Variants in DLGAP4 observed in about 807,000 individuals in gnomAD.
The protein encoded by DLGAP4 is DLG associated protein 4, also known as disks large-associated protein 4.
In DLGAP4, 18 loss-of-function variants were observed where a neutral mutation model predicts 86.9. That is an observed-to-expected ratio of 0.21 (90% CI 0.14 to 0.31). The LOEUF is 0.31. Ranked by LOEUF, DLGAP4 falls within the 10% of genes least tolerant of loss-of-function variation. The pLI, the probability that DLGAP4 is intolerant of heterozygous loss-of-function variation, is 1.00. For missense variants in DLGAP4, 1,085 were observed against 1,362.6 expected (o/e 0.80, Z 3.21); for synonymous variants, 548 against 574.3 (o/e 0.95, Z 0.65).
At chr20:36,436,811 G>A (rs1184546005) in intron 4 of DLGAP4, among the ~76,000 whole-genome samples, 1 of 146,894 alleles carries the variant, frequency 6.8e-6, no homozygotes, top group Admixed American at 6.8e-5. Context: ...GCGAGACTCC[G>A]TCTCAAAAAA....
At chr20:36,462,535 G>T (rs762794705) in intron 7 of DLGAP4, 7 of 1,599,746 alleles carry the variant, frequency 4.4e-6, no homozygotes, top group Middle Eastern at 1.7e-4. Flanking sequence ...TGTCTTTGCC[G>T]GGTCTCTGGG....
At position 36,369,977 on chromosome 20, in the gene DLGAP4, G is replaced by A. The variant is rs79349582; in HGVS notation, c.-73+2702G>A. 3.0e-3 allele frequency among the ~76,000 whole-genome samples: 458 copies of A among 152,284 alleles called. 2 individuals carry two copies. Among genetic ancestry groups the A allele is most frequent in the African/African-American group, 0.011 (446 of 41,538 alleles). On this transcript the variant is annotated intron_variant, in intron 2 of 12. Coordinates refer to ENST00000339266, the MANE Select transcript of DLGAP4 (RefSeq NM_001365621.2). Reference sequence around the variant, plus strand: ...ACTTGTCATGCTGCCAAAGAGTGGAGGAGGTGAGATGAGAAACCAGACAGA... The same window carrying A: ...ACTTGTCATGCTGCCAAAGAGTGGAAGAGGTGAGATGAGAAACCAGACAGA...
rs78631067 is a variant in DLGAP4, at chr20:36,388,409, C to T, written c.-73+21134C>T. Among the ~76,000 whole-genome samples the T allele has an allele frequency of 4.5e-4, 68 of 152,286 alleles. No homozygotes were observed. The East Asian group carries it at 0.013, about 28-fold the overall frequency. On this transcript the variant is annotated intron_variant, in intron 2 of 12. Coordinates refer to ENST00000339266, the MANE Select transcript of DLGAP4 (RefSeq NM_001365621.2). Reference sequence around the variant, plus strand: ...TCCCTGTGTCCCACTTCCTCCCCAGCTCCTGGAGCCCCCAGAACACACGTC... The same window carrying T: ...TCCCTGTGTCCCACTTCCTCCCCAGTTCCTGGAGCCCCCAGAACACACGTC...
rs1270487971 is a variant in DLGAP4, at chr20:36,440,066, AC to A, written c.1356+199del. On this transcript the variant is annotated intron_variant, in intron 5 of 12. Coordinates refer to ENST00000339266, the MANE Select transcript of DLGAP4 (RefSeq NM_001365621.2). ...TGTCCTGTGGCTGGAGAGCACAGTT[AC>A]GGGGCCTGACCCAGGACCCCACACC... is the stretch of plus-strand genomic sequence containing the variant. 3.3e-5 allele frequency among the ~76,000 whole-genome samples: 5 copies of A among 152,178 alleles called. No homozygotes were observed. The East Asian group carries it at 9.6e-4, about 29-fold the overall frequency.
intron 2 of DLGAP4, among the ~76,000 whole-genome samples, chr20:36,415,326 G>A (rs1203781995): frequency 1.3e-5 from 2 of 152,046 alleles, no homozygotes; most frequent in African/African-American, 4.8e-5. Flanking sequence ...AGAGAGCGCT[G>A]GCCTAGGAGT....
chr20:36,387,966 T>A (rs1251638065), intron 2 of DLGAP4, among the ~76,000 whole-genome samples: 1 of 152,220 alleles, frequency 6.6e-6, no homozygotes, highest in Non-Finnish European at 1.5e-5. Flanking sequence ...TGGGTGGGAC[T>A]GTCCTGCTCA....
chr20:36,479,408 ACCCTG>A (rs1253859705), intron 7 of DLGAP4, among the ~76,000 whole-genome samples: 4 of 152,120 alleles, frequency 2.6e-5, no homozygotes, highest in Admixed American at 6.6e-5. Flanking sequence ...CAGGGATGCC[ACCCTG>A]CCTTCAGGAG....
intron 1 of DLGAP4, among the ~76,000 whole-genome samples, chr20:36,358,868 A>G (rs1555894030): frequency 6.6e-6 from 1 of 152,204 alleles, no homozygotes; most frequent in Non-Finnish European, 1.5e-5. Flanking sequence ...AGTTTATAAA[A>G]GCAGGAACCA....
At chr20:36,453,934 CAAAAAA>C (rs1194294335) in intron 7 of DLGAP4, among the ~76,000 whole-genome samples, 6 of 42,692 alleles carry the variant, frequency 1.4e-4, no homozygotes, top group Admixed American at 5.6e-4. Flanking sequence ...ACTCTGTCTC[CAAAAAA>C]AAAAAAAAAA....
intron 1 of DLGAP4, among the ~76,000 whole-genome samples, chr20:36,315,954 G>A (rs1183996077): frequency 6.6e-6 from 1 of 152,184 alleles, no homozygotes. Context: ...GGGTGGTGTG[G>A]CCCACCAGCC....
Position 36,431,642 on chromosome 20 carries a change from C to G in DLGAP4, c.-72-4C>G. ...GCTGACCGCTTTCTGTCTTCTCTCC[C>G]TAGGATAGCTGCCGCCCGGGAGAGG... On this transcript the variant is annotated splice_polypyrimidine_tract_variant and splice_region_variant and intron_variant, in intron 2 of 12. Coordinates refer to ENST00000339266, the MANE Select transcript of DLGAP4 (RefSeq NM_001365621.2). This position sits in a 1 kb window ranked among gnomAD's most constrained non-coding sequence, Gnocchi z 5.1. 1 of 1,488,146 alleles carries G rather than the reference C, an allele frequency of 6.7e-7. No individual in the cohort carries two copies. The allele number at this position is 1,488,146 out of a possible 1,614,324, so 92.2% of individuals were successfully genotyped here.
chr20:36,522,441 C>T (rs1422065063), intron 10 of DLGAP4, among the ~76,000 whole-genome samples: 3 of 152,150 alleles, frequency 2.0e-5, no homozygotes, highest in African/African-American at 7.2e-5. Flanking sequence ...GATTATAGGT[C>T]TGAGCCACTA....
At chr20:36,489,097 A>G (rs1213894937) in intron 7 of DLGAP4, among the ~76,000 whole-genome samples, 1 of 152,212 alleles carries the variant, frequency 6.6e-6, no homozygotes, top group Non-Finnish European at 1.5e-5. Context: ...GTATAGCACT[A>G]AATAGACCTG....
intron 1 of DLGAP4, among the ~76,000 whole-genome samples, chr20:36,363,201 A>G (rs782385950): frequency 2.6e-5 from 4 of 152,190 alleles, no homozygotes; most frequent in Non-Finnish European, 5.9e-5. Flanking sequence ...ATATTTGAGG[A>G]ACAGCCCAAA....
At chr20:36,456,326 G>A (rs1329276290) in intron 7 of DLGAP4, among the ~76,000 whole-genome samples, 2 of 152,204 alleles carry the variant, frequency 1.3e-5, no homozygotes, top group Non-Finnish European at 1.5e-5. Flanking sequence ...GTGCGTGGGA[G>A]CCACCCAGTC....
chr20:36,345,715 AG>A (rs2029915987), intron 1 of DLGAP4, among the ~76,000 whole-genome samples: 1 of 152,074 alleles, frequency 6.6e-6, no homozygotes, highest in Non-Finnish European at 1.5e-5. Flanking sequence ...CCCCACTGTA[AG>A]GGCTTTTCTT....
intron 1 of DLGAP4, among the ~76,000 whole-genome samples, chr20:36,344,313 GAGT>G (rs1321741182): frequency 4.6e-5 from 7 of 152,288 alleles, no homozygotes; most frequent in Admixed American, 2.6e-4. Context: ...CGACTGCTGG[GAGT>G]AGAAGCAGGT....
At position 36,429,404 on chromosome 20, in the gene DLGAP4, T is replaced by C. The variant is rs866532381; in HGVS notation, c.-72-2242T>C. Among the ~76,000 whole-genome samples the C allele has an allele frequency of 4.2e-3, 578 of 136,752 alleles. 1 individual carries two copies. Among genetic ancestry groups the C allele is most frequent in the Admixed American group, 7.5e-3 (104 of 13,882 alleles). 89.7% of individuals were successfully genotyped at this position (136,752 alleles called of 152,430 possible). A position where few individuals can be genotyped will look rare whatever the true frequency, so the allele number is the denominator to read the frequency against. On this transcript the variant is annotated intron_variant, in intron 2 of 12. Transcript: ENST00000339266. ...CATTCCTGTTTCTTTTTTTCTTTTTTTTTTTTTTTTTTTTTTTTGAGACAG... is the reference window on the plus strand; with the variant it reads ...CATTCCTGTTTCTTTTTTTCTTTTTCTTTTTTTTTTTTTTTTTTGAGACAG...
intron 10 of DLGAP4, among the ~76,000 whole-genome samples, chr20:36,515,243 G>T (rs1282194184): frequency 6.6e-6 from 1 of 152,216 alleles, no homozygotes; most frequent in Non-Finnish European, 1.5e-5. Flanking sequence ...ATCAAGTTTA[G>T]AATTGTAATA....
Sources: gnomAD v4.1 joint callset for allele counts (sites outside exome capture counted in the v4.1 genomes callset) on GRCh38, gnomAD v4.1.1 for gene constraint, Gnocchi (gnomAD v3.1) non-coding constraint, MANE v1.5 for transcripts, NCBI Gene and HGNC (gene_info 2026-07-23, HGNC 2026-07-21) for gene names.